EPS15L1: variants seen among roughly 807,000 people sequenced by gnomAD.
EPS15L1 encodes epidermal growth factor receptor substrate 15-like 1.
EPS15L1 carries 43 observed loss-of-function variants against 117.1 expected under a neutral mutation model. The observed-to-expected ratio is 0.37, with a 90% confidence interval of 0.29 to 0.47. The LOEUF (loss-of-function observed/expected upper bound fraction) is 0.47, where lower values mean the gene tolerates loss of function less well. EPS15L1 is among the 20% of genes least tolerant of loss of function. The pLI, the probability that EPS15L1 is intolerant of heterozygous loss-of-function variation, is 0.99. For missense variants in EPS15L1, 981 were observed against 1,164.0 expected (o/e 0.84, Z 2.29); for synonymous variants, 459 against 470.5 (o/e 0.98, Z 0.32).
chr19:16,425,694 A>G (rs975449406), intron 8 of EPS15L1, among the ~76,000 whole-genome samples: 2 of 152,156 alleles, frequency 1.3e-5, no homozygotes, highest in African/African-American at 4.8e-5. Flanking sequence ...AGTCCCAGCT[A>G]CTTGGGAGGC....
Position 16,418,197 on chromosome 19 carries a change from CGACGAAAACA to C in EPS15L1, c.951-103_951-94del. 4 of 1,433,966 alleles carry C rather than the reference CGACGAAAACA, an allele frequency of 2.8e-6. No homozygotes were observed. The South Asian group carries it at 5.3e-5, about 19-fold the overall frequency. The allele number at this position is 1,433,966 out of a possible 1,614,324, so 88.8% of individuals were successfully genotyped here. A position where few individuals can be genotyped will look rare whatever the true frequency, so the allele number is the denominator to read the frequency against. ...ATCCCTTGCTTTTCAAAAACGACAG[CGACGAAAACA>C]ACGGCAGGGCGTGGTGGCAAGCCCC... On this transcript the variant is annotated intron_variant, in intron 10 of 23. Transcript: ENST00000455140.
Position 16,421,310 on chromosome 19 carries a change from C to T in EPS15L1, c.950+9G>A, listed in dbSNP as rs750168461. The T allele has an allele frequency of 5.0e-6, 8 of 1,596,440 alleles. No homozygotes were observed. Among genetic ancestry groups the T allele is most frequent in the South Asian group, 1.1e-5 (1 of 90,338 alleles). The stretch of plus-strand genomic sequence containing the variant: ...CCCACAGCCACAACTGCCACCTGTC[C>T]GGCCTTACCATATGTGTGCTAGAAG... On this transcript the variant is annotated intron_variant, in intron 10 of 23. Coordinates refer to ENST00000455140, the MANE Select transcript of EPS15L1 (RefSeq NM_001258374.3).
Position 16,425,181 on chromosome 19 carries a change from G to C in EPS15L1, c.694C>G (p.Pro232Ala). 1.2e-6 allele frequency: 2 copies of C among 1,613,496 alleles called. No individual in the cohort carries two copies. Among genetic ancestry groups the C allele is most frequent in the Non-Finnish European group, 1.7e-6 (2 of 1,179,554 alleles). The change falls in exon 9 of 24, where the codon CCA (proline) becomes GCA (alanine). Residue 232 changes from proline (P) to alanine (A), a missense_variant. Physicochemically the swap from Pro to Ala is conservative, Grantham distance 27 (BLOSUM62 -1). Coordinates refer to ENST00000455140, the MANE Select transcript of EPS15L1 (RefSeq NM_001258374.3). ...AVPVLPASPP[P>A]KDSLRSTPSH... is the part of the protein sequence containing the mutation. ...GGCGTGGAGCGGAGGCTGTCTTTTGGTGGGGGGCTGGCAGGCAGGACGGGG... is the reference window on the plus strand; with the variant it reads ...GGCGTGGAGCGGAGGCTGTCTTTTGCTGGGGGGCTGGCAGGCAGGACGGGG...
chr19:16,399,294 A>G (rs368103763), intron 16 of EPS15L1, among the ~76,000 whole-genome samples: 1 of 152,226 alleles, frequency 6.6e-6, no homozygotes, highest in South Asian at 2.1e-4. Flanking sequence ...AGATACCATC[A>G]ACTCTACCCC....
At chr19:16,429,296 C>T (rs1421307921) in intron 7 of EPS15L1, among the ~76,000 whole-genome samples, 1 of 152,146 alleles carries the variant, frequency 6.6e-6, no homozygotes, top group Non-Finnish European at 1.5e-5. Flanking sequence ...GGTTCTGGAG[C>T]GTGCCTAAGA....
chr19:16,463,025 G>A (rs1368630279), intron 1 of EPS15L1, among the ~76,000 whole-genome samples: 3 of 152,168 alleles, frequency 2.0e-5, no homozygotes, highest in African/African-American at 4.8e-5. Flanking sequence ...AGCTGCAGTT[G>A]AGCTGACCTG....
intron 22 of EPS15L1, among the ~76,000 whole-genome samples, chr19:16,367,518 A>AAC (rs1555738020): frequency 6.0e-5 from 9 of 149,368 alleles, no homozygotes; most frequent in African/African-American, 2.0e-4. Flanking sequence ...AAAAAAAAAA[A>AAC]AAAAAAAACT....
chr19:16,361,756 C>T (rs772533372), intron 23 of EPS15L1, 23 bp downstream of exon 23: 11 of 1,602,776 alleles, frequency 6.9e-6, no homozygotes, highest in Non-Finnish European at 8.5e-6. Flanking sequence ...TGGGGTGGCC[C>T]GGAGGCGGAG....
At chr19:16,412,816 C>T in intron 13 of EPS15L1, 1 of 497,596 alleles carries the variant, frequency 2.0e-6, no homozygotes, top group East Asian at 5.1e-5. Flanking sequence ...CCGTGGACAG[C>T]ACCGGAGCCG....
intron 13 of EPS15L1, among the ~76,000 whole-genome samples, chr19:16,406,369 A>G (rs79086196): frequency 0.012 from 1,847 of 152,272 alleles, 37 homozygotes; most frequent in African/African-American, 0.043. Context: ...GTGTGCCAGG[A>G]AGGGAAGATG....
At chr19:16,406,920 G>A (rs1165708733) in intron 13 of EPS15L1, among the ~76,000 whole-genome samples, 1 of 152,176 alleles carries the variant, frequency 6.6e-6, no homozygotes, top group Non-Finnish European at 1.5e-5. Flanking sequence ...CTTGTGAGTG[G>A]GATTAGTGGC....
intron 18 of EPS15L1, among the ~76,000 whole-genome samples, chr19:16,392,915 G>A (rs893228108): frequency 1.4e-4 from 21 of 151,892 alleles, no homozygotes; most frequent in Non-Finnish European, 2.1e-4. Context: ...GGTGGCACAC[G>A]CCTGTAGTAT....
chr19:16,377,405 C>G (rs1450122959), intron 21 of EPS15L1, 151 bp from the exon 22 acceptor site: 1 of 823,246 alleles, frequency 1.2e-6, no homozygotes, highest in Non-Finnish European at 1.9e-6. Context: ...CGTGGGGTCT[C>G]TTTCAAGCCC....
intron 1 of EPS15L1, among the ~76,000 whole-genome samples, chr19:16,467,863 A>C (rs2093317712): frequency 1.3e-5 from 2 of 152,130 alleles, no homozygotes; most frequent in African/African-American, 4.8e-5. Flanking sequence ...TGCGCCCACC[A>C]ACTATGAGAC....
intron 8 of EPS15L1, 118 bp from the exon 9 acceptor site, chr19:16,425,434 C>A: frequency 1.4e-6 from 1 of 690,118 alleles, no homozygotes; most frequent in Non-Finnish European, 2.6e-6. Context: ...CAGGACGCTC[C>A]CAAGCTGACC....
At chr19:16,357,416 G>A (rs2091996264) in intron 23 of EPS15L1, 1 of 152,376 alleles carries the variant, frequency 6.6e-6, no homozygotes, top group Admixed American at 6.5e-5. Context: ...CCAGACTGAG[G>A]AGGGGCTCGT....
At chr19:16,424,340 A>AG (rs1161298385) in intron 9 of EPS15L1, among the ~76,000 whole-genome samples, 1 of 143,120 alleles carries the variant, frequency 7.0e-6, no homozygotes, top group African/African-American at 2.5e-5. Flanking sequence ...CCACCCCACC[A>AG]GGGGCCACTG....
In EPS15L1 at chr19:16,405,134, C is replaced by T. The variant is rs2092643543; in HGVS notation, c.1267-385G>A. ...AAGGGGGTCACAGGGAAACTACAGT[C>T]ACACCTTGTGGGCAGGGAAGATGCC... On this transcript the variant is annotated intron_variant, in intron 13 of 23. Transcript: ENST00000455140. This position sits in a 1 kb window ranked among gnomAD's most constrained non-coding sequence, Gnocchi z 4.0. Among the ~76,000 whole-genome samples the T allele has an allele frequency of 6.6e-6, 1 of 152,234 alleles. No homozygotes were observed. The highest frequency in any genetic ancestry group is 1.5e-5 in the Non-Finnish European group (1 of 68,040).
intron 20 of EPS15L1, 109 bp from the exon 21 acceptor site, chr19:16,385,320 T>C: frequency 1.1e-6 from 1 of 904,140 alleles, no homozygotes; most frequent in Non-Finnish European, 1.8e-6. Context: ...TCAGGAAGGC[T>C]GCATTTATTC....
Sources: gnomAD v4.1 joint callset for allele counts (sites outside exome capture counted in the v4.1 genomes callset) on GRCh38, gnomAD v4.1.1 for gene constraint, Gnocchi (gnomAD v3.1) non-coding constraint, MANE v1.5 for transcripts, NCBI Gene and HGNC (gene_info 2026-07-23, HGNC 2026-07-21) for gene names.